The following ERP44 variants were observed in gnomAD, a reference collection of about 807,000 sequenced individuals.
ERP44 encodes the protein endoplasmic reticulum resident protein 44.
Under a neutral mutation model 53.4 loss-of-function variants are expected in ERP44, and 25 were observed. That is an observed-to-expected ratio of 0.47 (90% CI 0.34 to 0.65). The LOEUF (loss-of-function observed/expected upper bound fraction) is 0.65, where lower values mean the gene tolerates loss of function less well. ERP44 is among the 30% of genes least tolerant of loss of function. The pLI is 0.01. For missense variants in ERP44, 338 were observed against 493.2 expected, an observed-to-expected ratio of 0.69 and a Z score of 2.98; for synonymous variants, 145 against 161.2, an observed-to-expected ratio of 0.90 and a Z score of 0.76.
intron 1 of ERP44, among the ~76,000 whole-genome samples, chr9:100,084,767 G>A (rs144309942): frequency 5.8e-4 from 88 of 152,146 alleles, no homozygotes; most frequent in Admixed American, 1.8e-3. Context: ...CGTATCATAC[G>A]GAACTATGGA....
intron 1 of ERP44, among the ~76,000 whole-genome samples, chr9:100,066,037 A>G (rs925841925): frequency 2.0e-5 from 3 of 152,232 alleles, no homozygotes; most frequent in African/African-American, 7.2e-5. Context: ...AATAGAGAAT[A>G]CTAGGCCCCA....
At position 100,098,971 on chromosome 9, in the gene ERP44, C is replaced by A. The variant is rs998634050; in HGVS notation, c.-131G>T. ...GATTCTCCAGGCAGCGGCACCTCGTCCTCTCGACCCGGGCTCCAGCGGCGA... is the reference window on the plus strand; with the variant it reads ...GATTCTCCAGGCAGCGGCACCTCGTACTCTCGACCCGGGCTCCAGCGGCGA... On this transcript the variant is annotated 5_prime_UTR_variant, in exon 1 of 12. Coordinates refer to ENST00000262455, the MANE Select transcript of ERP44 (RefSeq NM_015051.3). 1 of 689,310 alleles carries A rather than the reference C, an allele frequency of 1.5e-6. No homozygotes were observed. The highest frequency in any genetic ancestry group is 2.5e-6 in the Non-Finnish European group (1 of 396,570). 42.7% of individuals were successfully genotyped at this position (689,310 alleles called of 1,614,324 possible).
intron 10 of ERP44, among the ~76,000 whole-genome samples, chr9:100,004,741 A>G (rs545211837): frequency 2.1e-4 from 32 of 152,196 alleles, no homozygotes; most frequent in African/African-American, 6.0e-4. Flanking sequence ...AGGTACTACT[A>G]TCTCTGACCT....
chr9:99,999,116 C>G, intron 10 of ERP44: 2 of 628,868 alleles, frequency 3.2e-6, no homozygotes, highest in Non-Finnish European at 2.9e-6. Flanking sequence ...GTGGACACGG[C>G]GCACCTGAGG....
At chr9:100,076,224 A>G (rs1255104721) in intron 1 of ERP44, among the ~76,000 whole-genome samples, 1 of 152,204 alleles carries the variant, frequency 6.6e-6, no homozygotes, top group Non-Finnish European at 1.5e-5. Flanking sequence ...TGGGTCATGC[A>G]CAGCAGCATT....
chr9:100,056,245 C>T (rs1826087598), intron 3 of ERP44, among the ~76,000 whole-genome samples: 1 of 152,130 alleles, frequency 6.6e-6, no homozygotes, highest in Non-Finnish European at 1.5e-5. Context: ...TAATCTTCTA[C>T]CAAATTTTTT....
chr9:100,033,679 A>T (rs1435301289), intron 4 of ERP44, among the ~76,000 whole-genome samples: 1 of 152,222 alleles, frequency 6.6e-6, no homozygotes, highest in African/African-American at 2.4e-5. Context: ...CACCTGTCTC[A>T]TCAGTTGTTT....
intron 3 of ERP44, among the ~76,000 whole-genome samples, chr9:100,054,152 G>A (rs1044986041): frequency 2.0e-5 from 3 of 152,134 alleles, no homozygotes; most frequent in African/African-American, 7.2e-5. Flanking sequence ...TCCCATCAGG[G>A]ATAAGAGGAT....
At chr9:100,090,152 T>C (rs1826534788) in intron 1 of ERP44, among the ~76,000 whole-genome samples, 1 of 152,190 alleles carries the variant, frequency 6.6e-6, no homozygotes, top group Non-Finnish European at 1.5e-5. Flanking sequence ...AGAAATTATT[T>C]TGACTAGCAA....
chr9:100,057,725 A>T, intron 3 of ERP44, 95 bp downstream of exon 3: 1 of 885,896 alleles, frequency 1.1e-6, no homozygotes, highest in Non-Finnish European at 1.8e-6. Flanking sequence ...TACTGTCTTG[A>T]AATAGAAAAA....
At chr9:99,999,122 T>G in intron 10 of ERP44, 1 of 618,042 alleles carries the variant, frequency 1.6e-6, no homozygotes, top group Non-Finnish European at 2.9e-6. Flanking sequence ...ACGGCGCACC[T>G]GAGGCACAGT....
chr9:100,033,158 A>G (rs1825810473), intron 4 of ERP44, among the ~76,000 whole-genome samples: 1 of 152,256 alleles, frequency 6.6e-6, no homozygotes, highest in Non-Finnish European at 1.5e-5. Flanking sequence ...AATTATTTGC[A>G]TAAGTGCAAT....
intron 4 of ERP44, among the ~76,000 whole-genome samples, chr9:100,048,786 A>T (rs1329716691): frequency 6.6e-6 from 1 of 152,246 alleles, no homozygotes; most frequent in Non-Finnish European, 1.5e-5. Context: ...ATACTGTATG[A>T]TTCCACTTAT....
chr9:100,048,103 C>T (rs563629959), intron 4 of ERP44, among the ~76,000 whole-genome samples: 4 of 151,930 alleles, frequency 2.6e-5, no homozygotes, highest in African/African-American at 9.7e-5. Flanking sequence ...ATAGAGCCCA[C>T]AGAGTCACAC....
At chr9:100,040,578 T>C (rs1395996188) in intron 4 of ERP44, among the ~76,000 whole-genome samples, 2 of 152,140 alleles carry the variant, frequency 1.3e-5, no homozygotes, top group Non-Finnish European at 2.9e-5. Context: ...GGGGAAAAAC[T>C]GAAAGCCTTT....
At chr9:100,053,312 T>G (rs539928762) in intron 3 of ERP44, among the ~76,000 whole-genome samples, 4 of 152,292 alleles carry the variant, frequency 2.6e-5, no homozygotes, top group African/African-American at 7.2e-5. Flanking sequence ...ATATTTTCTT[T>G]TTTCTTTTAC....
At chr9:100,058,861 T>G (rs1051477841) in intron 2 of ERP44, among the ~76,000 whole-genome samples, 6 of 152,248 alleles carry the variant, frequency 3.9e-5, no homozygotes, top group African/African-American at 1.4e-4. Flanking sequence ...TCAATTCCTT[T>G]CTTCCCTTTT....
chr9:100,040,031 A>T (rs1313074414), intron 4 of ERP44, among the ~76,000 whole-genome samples: 1 of 152,076 alleles, frequency 6.6e-6, no homozygotes, highest in Non-Finnish European at 1.5e-5. Context: ...ATAATAAGAA[A>T]GCTTCTGGCA....
chr9:99,994,689 A>G (rs1333405295), intron 10 of ERP44, among the ~76,000 whole-genome samples: 3 of 152,144 alleles, frequency 2.0e-5, no homozygotes. Context: ...TTGTATGTCT[A>G]TTTCTAGACT....
Sources: gnomAD v4.1 joint callset for allele counts (sites outside exome capture counted in the v4.1 genomes callset) on GRCh38, gnomAD v4.1.1 for gene constraint, MANE v1.5 for transcripts, NCBI Gene and HGNC (gene_info 2026-07-23, HGNC 2026-07-21) for gene names.